The following KIAA1549L variants were observed in gnomAD, a reference collection of about 807,000 sequenced individuals.
KIAA1549L encodes KIAA1549 like, also known as UPF0606 protein KIAA1549L.
KIAA1549L carries 88 observed loss-of-function variants against 160.7 expected under a neutral mutation model. That is an observed-to-expected ratio of 0.55 (90% CI 0.46 to 0.65). The LOEUF (loss-of-function observed/expected upper bound fraction) is 0.65. Ranked by LOEUF, KIAA1549L falls within the 30% of genes least tolerant of loss-of-function variation. The probability of loss-of-function intolerance (pLI) is 0.00; values close to 1 mark genes in which losing one functional copy is unlikely to be tolerated. For synonymous variants in KIAA1549L, 950 were observed against 976.7 expected, an observed-to-expected ratio of 0.97 and a Z score of 0.51; for missense variants, 2,258 against 2,437.5, an observed-to-expected ratio of 0.93 and a Z score of 1.55.
At chr11:33,390,891 C>T (rs144370171) in intron 1 of KIAA1549L, among the ~76,000 whole-genome samples, 4 of 152,202 alleles carry the variant, frequency 2.6e-5, no homozygotes, top group African/African-American at 9.7e-5. Context: ...TCAACTGGCT[C>T]AGCTCTGATG....
In KIAA1549L at chr11:33,669,451, T is replaced by TTG. The variant is rs1411580948; in HGVS notation, c.*1301_*1302dup. 1 of 152,218 alleles carries TTG rather than the reference T, an allele frequency of 6.6e-6. No individual in the cohort carries two copies. Among genetic ancestry groups the TTG allele is most frequent in the Non-Finnish European group, 1.5e-5 (1 of 68,052 alleles). 9.4% of individuals were successfully genotyped at this position (152,218 alleles called of 1,614,324 possible). A position where few individuals can be genotyped will look rare whatever the true frequency, so the allele number is the denominator to read the frequency against. ...AATGCAAGCAAAACAGCTACTGACT[T>TTG]TGTGTAGCAGGGAGATTGGGGACTC... On this transcript the variant is annotated 3_prime_UTR_variant, in exon 21 of 21. Coordinates refer to ENST00000658780, the MANE Select transcript of KIAA1549L (RefSeq NM_012194.3).
chr11:33,501,045 G>A (rs1000227847), intron 1 of KIAA1549L, among the ~76,000 whole-genome samples: 1 of 152,006 alleles, frequency 6.6e-6, no homozygotes, highest in African/African-American at 2.4e-5. Context: ...ATTGCTGTCC[G>A]TGGTGCTGAA....
chr11:33,519,325 C>T (rs1337996083), intron 1 of KIAA1549L, among the ~76,000 whole-genome samples: 2 of 152,002 alleles, frequency 1.3e-5, no homozygotes, highest in African/African-American at 4.8e-5. Context: ...TCTATATGCT[C>T]CAGTGATATA....
At chr11:33,643,054 C>T (rs1358186881) in intron 16 of KIAA1549L, among the ~76,000 whole-genome samples, 1 of 152,110 alleles carries the variant, frequency 6.6e-6, no homozygotes, top group Non-Finnish European at 1.5e-5. Flanking sequence ...TTGTTTCTAT[C>T]TGTAGCTATC....
intron 1 of KIAA1549L, among the ~76,000 whole-genome samples, chr11:33,445,712 C>T (rs1851596350): frequency 6.6e-6 from 1 of 152,154 alleles, no homozygotes; most frequent in South Asian, 2.1e-4. Context: ...GCTTCAGTTC[C>T]CTCATTGTCA....
intron 1 of KIAA1549L, among the ~76,000 whole-genome samples, chr11:33,493,188 G>A (rs1477889542): frequency 6.6e-6 from 1 of 151,966 alleles, no homozygotes; most frequent in African/African-American, 2.4e-5. Context: ...AGCATGCATT[G>A]GAAACTTAAT....
At chr11:33,517,064 C>T (rs529071013) in intron 1 of KIAA1549L, among the ~76,000 whole-genome samples, 62 of 152,280 alleles carry the variant, frequency 4.1e-4, no homozygotes, top group Non-Finnish European at 7.9e-4. Flanking sequence ...ATCTGCTCTG[C>T]CTATAGAACA....
At chr11:33,488,541 T>C (rs1190396254) in intron 1 of KIAA1549L, among the ~76,000 whole-genome samples, 1 of 152,224 alleles carries the variant, frequency 6.6e-6, no homozygotes, top group Non-Finnish European at 1.5e-5. Flanking sequence ...TTTAGGAGCC[T>C]TCTCTGTATC....
chr11:33,489,880 A>C (rs1056297579), intron 1 of KIAA1549L, among the ~76,000 whole-genome samples: 1 of 152,238 alleles, frequency 6.6e-6, no homozygotes, highest in Non-Finnish European at 1.5e-5. Context: ...TGAAAAGATC[A>C]AACGTTATTG....
intron 8 of KIAA1549L, 121 bp from the exon 9 acceptor site, chr11:33,567,955 C>T (rs1855105441): frequency 2.0e-6 from 2 of 1,021,650 alleles, no homozygotes; most frequent in South Asian, 2.0e-5. Flanking sequence ...TTGGCCAAGC[C>T]CTAACATGAG....
chr11:33,591,276 C>T lies in KIAA1549L; in HGVS notation c.4606C>T (p.Gln1536Ter), dbSNP rs1850042937. The T allele has an allele frequency of 3.7e-6, 6 of 1,613,524 alleles. No homozygotes were observed. Among genetic ancestry groups the T allele is most frequent in the Non-Finnish European group, 5.1e-6 (6 of 1,179,632 alleles). ...TGATTATGCCAAGCAACACCTGGGC[C>T]AGCAAGGGGCAGATGAGGAGGTCAT... Reference protein sequence around the residue: ...GFDYAKQHLGQQGADEEVIPV... With the variant: ...GFDYAKQHLG Residue 1536 changes from glutamine (Q) to a stop codon, truncating the protein, a stop_gained, in exon 12 of 21, where the codon CAG becomes TAG. Coordinates refer to ENST00000658780, the MANE Select transcript of KIAA1549L (RefSeq NM_012194.3). LOFTEE classifies it high-confidence loss of function.
chr11:33,542,365 C>T lies in KIAA1549L; in HGVS notation c.802C>T (p.Pro268Ser), dbSNP rs937020655. 1.0e-6 allele frequency: 1 copy of T among 992,184 alleles called. No individual in the cohort carries two copies. The highest frequency in any genetic ancestry group is 2.1e-4 in the Middle Eastern group (1 of 4,676). The allele number at this position is 992,184 out of a possible 1,614,324, so 61.5% of individuals were successfully genotyped here. Residue 268 changes from proline to serine, a missense_variant, in exon 2 of 21, where the codon CCC becomes TCC. By Grantham distance (74) the Pro-to-Ser change is moderately conservative. Transcript: ENST00000658780. ...SIISEPAEQS[P>S]KVLLVPQTAP... ...CATCTCTGAGCCAGCAGAGCAATCC[C>T]CCAAAGTGCTGTTAGTTCCCCAAAC...
At chr11:33,464,474 A>ATGTGTGTGTGTGTGTGTGTG (rs3038997) in intron 1 of KIAA1549L, among the ~76,000 whole-genome samples, 2 of 140,088 alleles carry the variant, frequency 1.4e-5, no homozygotes, top group South Asian at 2.4e-4. Context: ...CTGTGTGTGC[A>ATGTGTGTGTGTGTGTGTGTG]TGTGTGTGTG....
chr11:33,406,170 T>C (rs1174429200), intron 1 of KIAA1549L, among the ~76,000 whole-genome samples: 1 of 152,220 alleles, frequency 6.6e-6, no homozygotes, highest in Non-Finnish European at 1.5e-5. Context: ...ATTTTTGTTG[T>C]TGTGAATATA....
chr11:33,412,376 TC>T (rs1447090882), intron 1 of KIAA1549L, among the ~76,000 whole-genome samples: 1 of 152,248 alleles, frequency 6.6e-6, no homozygotes, highest in Non-Finnish European at 1.5e-5. Flanking sequence ...CATGTATTGT[TC>T]TTGGGAGCTG....
rs1311291284 is a variant in KIAA1549L, at chr11:33,551,180, C to T, written c.3642C>T (p.His1214=). The T allele has an allele frequency of 1.2e-6, 2 of 1,613,978 alleles. No homozygotes were observed. Among genetic ancestry groups the T allele is most frequent in the Non-Finnish European group, 1.7e-6 (2 of 1,179,874 alleles). The change falls in exon 5 of 21, where the codon CAC becomes CAT. Residue 1214 remains histidine (H), a synonymous_variant. Transcript: ENST00000658780. The stretch of plus-strand genomic sequence containing the variant: ...ACGTCACTGCAGACCTGAAGCAACA[C>T]ACCCCACACTTACAGTCTGTGGCAG... ...VSNVTADLKQ[H]TPHLQSVAVL... is the part of the protein sequence containing the mutation.
At chr11:33,541,771 A>G (rs1854027897) in intron 1 of KIAA1549L, 31 bp from the exon 2 acceptor site, 2 of 244,406 alleles carry the variant, frequency 8.2e-6, no homozygotes, top group African/African-American at 2.2e-5. Flanking sequence ...TGAGCATCCA[A>G]CACCTGACGG....
Position 33,645,887 on chromosome 11 carries a change from C to T in KIAA1549L, c.5611C>T (p.Arg1871Trp), listed in dbSNP as rs373633010. The change falls in exon 17 of 21, where the codon CGG (arginine) becomes TGG (tryptophan). Residue 1871 changes from arginine to tryptophan, a missense_variant. Transcript: ENST00000658780. Reference protein sequence around the residue: ...LASAGHAGQSRHQEAYGSAQH... With the variant: ...LASAGHAGQSWHQEAYGSAQH... ...ATCCGCGGGCCACGCAGGCCAGAGC[C>T]GGCACCAAGAGGCCTACGGCTCAGC... The T allele has an allele frequency of 2.5e-5, 40 of 1,613,606 alleles. No individual in the cohort carries two copies. Among genetic ancestry groups the T allele is most frequent in the Admixed American group, 6.7e-5 (4 of 59,970 alleles).
At chr11:33,589,404 A>G (rs143392201) in intron 11 of KIAA1549L, among the ~76,000 whole-genome samples, 6,611 of 152,268 alleles carry the variant, frequency 0.043, 483 homozygotes, top group African/African-American at 0.15. Context: ...AGCCATCCCC[A>G]TTACTGGGTA....
Sources: gnomAD v4.1 joint callset for allele counts (sites outside exome capture counted in the v4.1 genomes callset) on GRCh38, gnomAD v4.1.1 for gene constraint, MANE v1.5 for transcripts, NCBI Gene and HGNC (gene_info 2026-07-23, HGNC 2026-07-21) for gene names.